Variants in C9orf85 observed in about 807,000 individuals in gnomAD.
The protein encoded by C9orf85 is uncharacterized protein C9orf85.
In C9orf85, 16 loss-of-function variants were observed where a neutral mutation model predicts 14.9. That is an observed-to-expected ratio of 1.08 (90% CI 0.73 to 1.63). The LOEUF (loss-of-function observed/expected upper bound fraction) is 1.63, where lower values mean the gene tolerates loss of function less well. Ranked by LOEUF, C9orf85 falls within the 40% of genes most tolerant of loss-of-function variation. The pLI is 0.00. For synonymous variants in C9orf85, 45 were observed against 56.8 expected (o/e 0.79, Z 0.93); for missense variants, 172 against 186.1 (o/e 0.92, Z 0.44).
At chr9:71,913,414 G>C (rs1250724020) in intron 1 of C9orf85, among the ~76,000 whole-genome samples, 1 of 152,166 alleles carries the variant, frequency 6.6e-6, no homozygotes, top group Non-Finnish European at 1.5e-5. Context: ...AAAGCAGAAA[G>C]ATAAGTAAAT....
At chr9:71,982,367 T>G (rs1302031713) in intron 3 of C9orf85, among the ~76,000 whole-genome samples, 1 of 152,152 alleles carries the variant, frequency 6.6e-6, no homozygotes, top group African/African-American at 2.4e-5. Context: ...ACTCTTTGTG[T>G]GGACATATGT....
At chr9:71,969,854 A>C (rs1179282305) in intron 2 of C9orf85, among the ~76,000 whole-genome samples, 1 of 151,920 alleles carries the variant, frequency 6.6e-6, no homozygotes, top group Non-Finnish European at 1.5e-5. Flanking sequence ...TATTTTCTAA[A>C]TATTTGAGCA....
chr9:71,913,752 T>C (rs1827576662), intron 1 of C9orf85, among the ~76,000 whole-genome samples: 1 of 152,268 alleles, frequency 6.6e-6, no homozygotes, highest in African/African-American at 2.4e-5. Flanking sequence ...TTAACTATAG[T>C]GTAGCTTCTC....
rs576034954 is a variant in C9orf85, at chr9:71,916,059, T to C, written c.102+4223T>C. On this transcript the variant is annotated intron_variant, in intron 1 of 3. Transcript: ENST00000334731. ...ACAGTCTTAATTGAAGCTTGTGATT[T>C]GGTGGGAGAAGTGACAGGCATTAAT... is the stretch of plus-strand genomic sequence containing the variant. Among the ~76,000 whole-genome samples the C allele has an allele frequency of 1.4e-4, 22 of 152,288 alleles. 1 individual carries two copies. The highest frequency in any genetic ancestry group is 4.1e-4 in the South Asian group (2 of 4,824).
chr9:71,913,331 A>T (rs1469204163), intron 1 of C9orf85, among the ~76,000 whole-genome samples: 2 of 152,154 alleles, frequency 1.3e-5, no homozygotes, highest in Non-Finnish European at 2.9e-5. Context: ...CTGTGTTCAT[A>T]GGTATACCGT....
chr9:71,948,664 G>A (rs1380360270), intron 2 of C9orf85, among the ~76,000 whole-genome samples: 1 of 152,128 alleles, frequency 6.6e-6, no homozygotes, highest in African/African-American at 2.4e-5. Context: ...TGGGACTACA[G>A]GTACATACCA....
chr9:71,934,047 A>T (rs1828131569), intron 1 of C9orf85, among the ~76,000 whole-genome samples: 2 of 152,114 alleles, frequency 1.3e-5, no homozygotes, highest in Admixed American at 1.3e-4. Context: ...ACCTGCCTTT[A>T]AAAACCATTA....
chr9:71,985,240 C>G (rs1487232926), downstream of C9orf85: 6 of 152,170 alleles, frequency 3.9e-5, 1 homozygote, highest in Admixed American at 3.9e-4. Context: ...CAGCAGTATC[C>G]AAGCTTAGAT....
chr9:71,925,799 A>G (rs1827918621), intron 1 of C9orf85, among the ~76,000 whole-genome samples: 1 of 152,260 alleles, frequency 6.6e-6, no homozygotes, highest in Non-Finnish European at 1.5e-5. Context: ...AAGCAAAATA[A>G]GTTCTACTTT....
chr9:71,918,787 G>GA (rs1281442269), intron 1 of C9orf85, among the ~76,000 whole-genome samples: 2 of 151,924 alleles, frequency 1.3e-5, no homozygotes, highest in African/African-American at 2.4e-5. Flanking sequence ...CTAGTTGCAG[G>GA]AAAAAAGCTA....
intron 1 of C9orf85, among the ~76,000 whole-genome samples, chr9:71,939,551 T>C (rs1828279712): frequency 6.6e-6 from 1 of 152,174 alleles, no homozygotes; most frequent in Non-Finnish European, 1.5e-5. Context: ...GATTTACAGT[T>C]TCAGTGTAAT....
At chr9:71,927,569 A>G (rs976245791) in intron 1 of C9orf85, among the ~76,000 whole-genome samples, 13 of 152,206 alleles carry the variant, frequency 8.5e-5, no homozygotes, top group Non-Finnish European at 1.6e-4. Flanking sequence ...CAAACAAGAA[A>G]AATCAGTATT....
At chr9:71,964,212 G>C (rs931647276) in intron 2 of C9orf85, among the ~76,000 whole-genome samples, 2 of 152,082 alleles carry the variant, frequency 1.3e-5, no homozygotes, top group African/African-American at 2.4e-5. Context: ...CTAGCTTAGG[G>C]ATTGTAAACG....
At chr9:71,942,557 A>G (rs910280580) in intron 1 of C9orf85, among the ~76,000 whole-genome samples, 2 of 152,146 alleles carry the variant, frequency 1.3e-5, no homozygotes, top group African/African-American at 2.4e-5. Context: ...ATGTCCAACA[A>G]TGTTCTAGCC....
intron 1 of C9orf85, 115 bp downstream of exon 1, chr9:71,911,951 T>TA: frequency 1.1e-6 from 1 of 878,898 alleles, no homozygotes; most frequent in Non-Finnish European, 1.9e-6. Context: ...AGCCCAGAGT[T>TA]AGTCTTGGCT....
intron 2 of C9orf85, among the ~76,000 whole-genome samples, chr9:71,948,535 A>G (rs1412874182): frequency 1.3e-5 from 2 of 151,618 alleles, no homozygotes; most frequent in Non-Finnish European, 2.9e-5. Flanking sequence ...TATTTAATTT[A>G]TTTTGAGATA....
At chr9:71,958,689 G>C (rs1277927130) in intron 2 of C9orf85, among the ~76,000 whole-genome samples, 1 of 152,066 alleles carries the variant, frequency 6.6e-6, no homozygotes, top group Non-Finnish European at 1.5e-5. Flanking sequence ...TATCCGTATA[G>C]AATCTCCATT....
chr9:71,976,678 T>A (rs35876465), downstream of C9orf85, among the ~76,000 whole-genome samples: 24,867 of 146,550 alleles, frequency 0.17, 2,553 homozygotes, highest in Admixed American at 0.29. Context: ...AAAAAAAAAA[T>A]TCTTATTCCT....
chr9:71,928,364 A>G (rs1278862495), intron 1 of C9orf85, among the ~76,000 whole-genome samples: 4 of 152,178 alleles, frequency 2.6e-5, no homozygotes. Flanking sequence ...CTCTAAGAAT[A>G]TATTGCTTGC....
Sources: gnomAD v4.1 joint callset for allele counts (sites outside exome capture counted in the v4.1 genomes callset) on GRCh38, gnomAD v4.1.1 for gene constraint, MANE v1.5 for transcripts, NCBI Gene and HGNC (gene_info 2026-07-23, HGNC 2026-07-21) for gene names.